MEIG1: variants seen among roughly 807,000 people sequenced by gnomAD.
The protein encoded by MEIG1 is meiosis expressed gene 1 protein homolog.
A neutral mutation model predicts 11.3 loss-of-function variants in MEIG1; 12 were observed. The observed-to-expected ratio is 1.07, with a 90% CI of 0.68 to 1.73. The LOEUF (loss-of-function observed/expected upper bound fraction) is 1.73, where lower values mean the gene tolerates loss of function less well. MEIG1 is among the 40% of genes most tolerant of loss of function. MEIG1 has a pLI of 0.00. For missense variants in MEIG1, 119 were observed against 104.9 expected (o/e 1.13, Z -0.59); for synonymous variants, 41 against 33.2 (o/e 1.24, Z -0.81).
chr10:14,969,970 AAAAG>A (rs1489367571), intron 2 of MEIG1, among the ~76,000 whole-genome samples: 2 of 152,256 alleles, frequency 1.3e-5, no homozygotes, highest in Admixed American at 6.5e-5. Context: ...TTCCTTAACA[AAAAG>A]AAGCACAGGG....
upstream of MEIG1, among the ~76,000 whole-genome samples, chr10:14,958,266 CG>C (rs76948048): frequency 0.094 from 14,221 of 151,998 alleles, 1,355 homozygotes; most frequent in East Asian, 0.27. Flanking sequence ...AGAGAAAGAC[CG>C]GGCTGAAGAG....
At chr10:14,964,585 G>GTGTGTGTGTGTATATATATATATA (rs1378376059) in intron 1 of MEIG1, among the ~76,000 whole-genome samples, 9 of 93,028 alleles carry the variant, frequency 9.7e-5, no homozygotes, top group African/African-American at 3.2e-4. Flanking sequence ...GTGTGTGTGT[G>GTGTGTGTGTGTATATATATATATA]TATATATATA....
intron 2 of MEIG1, among the ~76,000 whole-genome samples, chr10:14,966,856 C>T (rs558396567): frequency 1.3e-5 from 2 of 152,276 alleles, no homozygotes; most frequent in East Asian, 1.9e-4. Context: ...GCCTCAGCCT[C>T]GTGAGTAGCT....
downstream of MEIG1, among the ~76,000 whole-genome samples, chr10:14,977,276 C>T (rs1027887528): frequency 6.6e-6 from 1 of 151,964 alleles, no homozygotes; most frequent in Non-Finnish European, 1.5e-5. Context: ...GGTGTACACC[C>T]CATGTTATTA....
At chr10:14,985,364 C>T (rs893346905) in intron 1 of MEIG1, among the ~76,000 whole-genome samples, 3 of 151,840 alleles carry the variant, frequency 2.0e-5, no homozygotes, top group Non-Finnish European at 2.9e-5. Flanking sequence ...CCTAAAGGGA[C>T]GTTACTAGTA....
At chr10:14,984,048 G>T (rs12247446) in intron 1 of MEIG1, among the ~76,000 whole-genome samples, 14,095 of 152,028 alleles carry the variant, frequency 0.093, 916 homozygotes, top group African/African-American at 0.18. Flanking sequence ...ATGCTATTAC[G>T]GCAAAGAGTG....
intron 1 of MEIG1, among the ~76,000 whole-genome samples, chr10:14,961,638 A>ATTTTTTTTTTGTTTT (rs1843014050): frequency 1.3e-5 from 1 of 76,594 alleles, no homozygotes; most frequent in Non-Finnish European, 2.6e-5. Flanking sequence ...CATCCGGCTA[A>ATTTTTTTTTTGTTTT]TTTTTTTTTT....
At chr10:14,962,554 A>G (rs765104484) in intron 1 of MEIG1, among the ~76,000 whole-genome samples, 8 of 152,190 alleles carry the variant, frequency 5.3e-5, no homozygotes, top group Non-Finnish European at 8.8e-5. Flanking sequence ...TAGTTGCCAT[A>G]ATTTTTTGAG....
At chr10:14,955,261 C>A (rs1011942386), upstream of MEIG1, among the ~76,000 whole-genome samples, 1 of 152,222 alleles carries the variant, frequency 6.6e-6, no homozygotes, top group African/African-American at 2.4e-5. Flanking sequence ...ACTTTGTGCA[C>A]AGCACTGTGA....
chr10:14,977,598 C>T (rs1180670035), downstream of MEIG1, among the ~76,000 whole-genome samples: 1 of 151,768 alleles, frequency 6.6e-6, no homozygotes, highest in Non-Finnish European at 1.5e-5. Flanking sequence ...ATGGGGTACA[C>T]CCACTGGGAT....
At chr10:14,967,907 A>T (rs912620408) in intron 2 of MEIG1, among the ~76,000 whole-genome samples, 1 of 152,192 alleles carries the variant, frequency 6.6e-6, no homozygotes, top group African/African-American at 2.4e-5. Flanking sequence ...ATCTCAAAAA[A>T]AATTTCAACA....
At chr10:14,960,921 C>A (rs1325415757) in intron 1 of MEIG1, among the ~76,000 whole-genome samples, 1 of 151,950 alleles carries the variant, frequency 6.6e-6, no homozygotes, top group Non-Finnish European at 1.5e-5. Context: ...TCCAGCTACT[C>A]GGGAGGCTGA....
upstream of MEIG1, among the ~76,000 whole-genome samples, chr10:14,957,578 G>A (rs1447415420): frequency 6.6e-6 from 1 of 152,174 alleles, no homozygotes; most frequent in African/African-American, 2.4e-5. Flanking sequence ...CTCTCCATAA[G>A]ATGGGAAGCC....
At chr10:14,980,579 A>T (rs1459550479) in intron 1 of MEIG1, among the ~76,000 whole-genome samples, 1 of 152,168 alleles carries the variant, frequency 6.6e-6, no homozygotes. Flanking sequence ...ACAGTCCTCC[A>T]GGTGTTGGCG....
downstream of MEIG1, among the ~76,000 whole-genome samples, chr10:14,975,664 A>G (rs4317883): frequency 0.69 from 103,995 of 151,778 alleles, 35,803 homozygotes; most frequent in Admixed American, 0.71. Context: ...CTGTGATATG[A>G]TCCTTAATAT....
chr10:14,981,649 C>T (rs184301930), intron 1 of MEIG1, among the ~76,000 whole-genome samples: 4 of 152,306 alleles, frequency 2.6e-5, no homozygotes, highest in Non-Finnish European at 5.9e-5. Flanking sequence ...GCCCGGTCTC[C>T]CTCAGTCCAA....
chr10:14,972,655 T>C lies in MEIG1; in HGVS notation c.*14T>C, dbSNP rs762090843. ...TATGCTTACTAGCCTGTCTTCTTTG[T>C]ATTACTTGTCAATTATATTTTAAGT... On this transcript the variant is annotated 3_prime_UTR_variant, in exon 3 of 3. Coordinates refer to ENST00000407572, the MANE Select transcript of MEIG1 (RefSeq NM_001080836.3). 6.3e-7 allele frequency: 1 copy of C among 1,577,798 alleles called. No homozygotes were observed. Among genetic ancestry groups the C allele is most frequent in the Non-Finnish European group, 8.6e-7 (1 of 1,163,234 alleles).
intron 2 of MEIG1, among the ~76,000 whole-genome samples, chr10:14,966,921 C>A (rs371408578): frequency 4.5e-3 from 680 of 152,048 alleles, no homozygotes; most frequent in African/African-American, 0.016. Flanking sequence ...TTTGTAGAGA[C>A]GGGATTTTGC....
chr10:14,960,187 G>A (rs186925060), intron 1 of MEIG1, among the ~76,000 whole-genome samples: 161 of 152,332 alleles, frequency 1.1e-3, no homozygotes, highest in African/African-American at 3.7e-3. Flanking sequence ...AAGGTTACGT[G>A]CTGGTTACAG....
Sources: gnomAD v4.1 joint callset for allele counts (sites outside exome capture counted in the v4.1 genomes callset) on GRCh38, gnomAD v4.1.1 for gene constraint, MANE v1.5 for transcripts, NCBI Gene and HGNC (gene_info 2026-07-23, HGNC 2026-07-21) for gene names.